The following RALGAPA1 variants were observed in gnomAD, a reference collection of about 807,000 sequenced individuals.
RALGAPA1 encodes Ral GTPase activating protein catalytic subunit alpha 1, also known as ral GTPase-activating protein subunit alpha-1.
RALGAPA1 carries 52 observed loss-of-function variants against 269.6 expected under a neutral mutation model. That is an observed-to-expected ratio of 0.19 (90% CI 0.15 to 0.24). The LOEUF (loss-of-function observed/expected upper bound fraction) is 0.24. Among genes scored for constraint, RALGAPA1 ranks in the 10% least tolerant of loss-of-function variants. The pLI is 1.00. For synonymous variants in RALGAPA1, 817 were observed against 1,008.3 expected (o/e 0.81, Z 3.60); for missense variants, 1,917 against 3,013.9 (o/e 0.64, Z 8.52).
At chr14:35,628,932 T>C (rs1237971167) in intron 33 of RALGAPA1, among the ~76,000 whole-genome samples, 1 of 150,744 alleles carries the variant, frequency 6.6e-6, no homozygotes, top group Non-Finnish European at 1.5e-5. Flanking sequence ...AAGAATATAG[T>C]AGTTTAAGAG....
At chr14:35,623,348 C>G (rs2060772305) in intron 35 of RALGAPA1, among the ~76,000 whole-genome samples, 1 of 150,024 alleles carries the variant, frequency 6.7e-6, no homozygotes, top group Non-Finnish European at 1.5e-5. Context: ...TACACACACA[C>G]AGACACACAG....
At chr14:35,640,034 C>T (rs2061921454) in intron 31 of RALGAPA1, among the ~76,000 whole-genome samples, 1 of 151,130 alleles carries the variant, frequency 6.6e-6, no homozygotes, top group South Asian at 2.1e-4. Flanking sequence ...TTTCTGGAAA[C>T]AAATGATAAT....
At position 35,700,319 on chromosome 14, in the gene RALGAPA1, G is replaced by C. The variant is rs1237192742; in HGVS notation, c.2267-17C>G. ...TTCTCATGGCTTTAAAAAAGGAAAA[G>C]AAAGAAGTGGGGAAGGAAAAAAGAA... is the stretch of plus-strand genomic sequence containing the variant. On this transcript the variant is annotated splice_polypyrimidine_tract_variant and intron_variant, in intron 16 of 41. Transcript: ENST00000680220. The C allele has an allele frequency of 6.7e-7, 1 of 1,495,524 alleles. No individual in the cohort carries two copies. Among genetic ancestry groups the C allele is most frequent in the Non-Finnish European group, 8.8e-7 (1 of 1,131,730 alleles). The allele number at this position is 1,495,524 out of a possible 1,614,324, so 92.6% of individuals were successfully genotyped here.
At position 35,708,291 on chromosome 14, in the gene RALGAPA1, T is replaced by C. The variant is rs1476819002; in HGVS notation, c.2267-7989A>G. The stretch of plus-strand genomic sequence containing the variant: ...GTTAAAAACCTTCTGCACAGCAAAG[T>C]AAATCATCAACAAAGTAAAGAGATG... On this transcript the variant is annotated intron_variant, in intron 16 of 41. Coordinates refer to ENST00000680220, the MANE Select transcript of RALGAPA1 (RefSeq NM_001346249.2). Among the ~76,000 whole-genome samples the C allele has an allele frequency of 3.3e-5, 5 of 152,042 alleles. No individual in the cohort carries two copies. In the East Asian group the frequency reaches 9.7e-4, roughly 29 times the overall value.
chr14:35,566,339 C>T (rs908993947), intron 39 of RALGAPA1, among the ~76,000 whole-genome samples: 1 of 152,080 alleles, frequency 6.6e-6, no homozygotes, highest in African/African-American at 2.4e-5. Flanking sequence ...TAGTGAACAA[C>T]ATTAGATTCA....
intron 1 of RALGAPA1, among the ~76,000 whole-genome samples, chr14:35,779,582 T>G (rs1163259302): frequency 5.3e-5 from 8 of 150,654 alleles, no homozygotes; most frequent in Non-Finnish European, 1.5e-5. Context: ...TAAATAATAA[T>G]AAAGAAATAG....
chr14:35,629,354 A>G (rs1327832736), intron 33 of RALGAPA1, among the ~76,000 whole-genome samples: 1 of 152,018 alleles, frequency 6.6e-6, no homozygotes, highest in Non-Finnish European at 1.5e-5. Flanking sequence ...ACATAATTAC[A>G]GAGTGATTGT....
intron 31 of RALGAPA1, among the ~76,000 whole-genome samples, chr14:35,651,353 G>T (rs949888513): frequency 6.6e-6 from 1 of 152,156 alleles, no homozygotes; most frequent in African/African-American, 2.4e-5. Flanking sequence ...CCCTCATAAT[G>T]AATTTACTGA....
chr14:35,750,871 C>A (rs897426066), intron 8 of RALGAPA1, among the ~76,000 whole-genome samples, 181 bp from the exon 9 acceptor site: 16 of 152,044 alleles, frequency 1.1e-4, no homozygotes, highest in Non-Finnish European at 2.2e-4. Flanking sequence ...GAAGAGTGAA[C>A]CATATATACC....
chr14:35,766,959 C>T (rs2074210670), intron 4 of RALGAPA1: 1 of 385,088 alleles, frequency 2.6e-6, no homozygotes, highest in Non-Finnish European at 5.1e-6. Context: ...CTGCCGTTTA[C>T]TGGACATGCA....
intron 39 of RALGAPA1, among the ~76,000 whole-genome samples, chr14:35,552,062 C>T (rs1374104402): frequency 6.6e-6 from 1 of 152,088 alleles, no homozygotes; most frequent in Non-Finnish European, 1.5e-5. Flanking sequence ...AGGTAAATCA[C>T]TTTCTAAAAG....
chr14:35,644,500 G>A (rs760894217), intron 31 of RALGAPA1, among the ~76,000 whole-genome samples: 3 of 152,136 alleles, frequency 2.0e-5, no homozygotes, highest in East Asian at 1.9e-4. Context: ...GGGGGACTAC[G>A]AAGTAACCCA....
At chr14:35,775,093 A>AT (rs1270839467) in intron 2 of RALGAPA1, 38 bp from the exon 3 acceptor site, 2 of 1,151,650 alleles carry the variant, frequency 1.7e-6, no homozygotes, top group African/African-American at 3.1e-5. Context: ...AAAACATATC[A>AT]TTTTGTCCTC....
chr14:35,797,351 C>CAAAA (rs530576211), intron 1 of RALGAPA1, among the ~76,000 whole-genome samples: 9 of 60,132 alleles, frequency 1.5e-4, no homozygotes, highest in East Asian at 5.6e-4. Context: ...GACTCCGTCT[C>CAAAA]AAAAAAAAAA....
At chr14:35,583,148 A>G (rs2058059553) in intron 37 of RALGAPA1, among the ~76,000 whole-genome samples, 1 of 152,256 alleles carries the variant, frequency 6.6e-6, no homozygotes, top group African/African-American at 2.4e-5. Context: ...TGCTAGAATT[A>G]TCAGACCAGG....
rs369797291 is a variant in RALGAPA1 at position 35,655,943 on chromosome 14, A to G, written c.5388-28T>C. ...GCAAAAAAGGCAAACAACAACGGTTACATAAAATGAAACCACCACCACAAA... is the reference window on the plus strand; with the variant it reads ...GCAAAAAAGGCAAACAACAACGGTTGCATAAAATGAAACCACCACCACAAA... On this transcript the variant is annotated intron_variant, in intron 28 of 41. Transcript: ENST00000680220. 3.4e-4 allele frequency: 553 copies of G among 1,612,172 alleles called. 1 individual carries two copies. The highest frequency in any genetic ancestry group is 4.6e-4 in the Non-Finnish European group (537 of 1,179,306).
Position 35,689,293 on chromosome 14 carries a change from G to T in RALGAPA1, c.3118C>A (p.Leu1040Ile). 5.7e-6 allele frequency: 7 copies of T among 1,232,234 alleles called. No homozygotes were observed. The highest frequency in any genetic ancestry group is 7.1e-6 in the Non-Finnish European group (7 of 988,090). 76.3% of individuals were successfully genotyped at this position (1,232,234 alleles called of 1,614,324 possible). A position where few individuals can be genotyped will look rare whatever the true frequency, so the allele number is the denominator to read the frequency against. ...RTQTSEKSKQ[L>I]NTDKQPSEPS... ...TCTGATGGCTGTTTATCAGTGTTTA[G>T]TTGCTTAGATTTTTCAGAAGTTTGT... is the stretch of plus-strand genomic sequence containing the variant. The change falls in exon 18 of 42, where the codon CTA becomes ATA. Residue 1040 changes from leucine to isoleucine, a missense_variant. Leu to Ile is a conservative substitution (Grantham distance 5, BLOSUM62 2). This residue lies in a region of RALGAPA1 where 615 missense variants were observed against 790.0 expected (regional missense o/e 0.78). Coordinates refer to ENST00000680220, the MANE Select transcript of RALGAPA1 (RefSeq NM_001346249.2).
intron 35 of RALGAPA1, among the ~76,000 whole-genome samples, chr14:35,612,243 C>A (rs948903892): frequency 1.3e-5 from 2 of 151,624 alleles, no homozygotes; most frequent in African/African-American, 2.4e-5. Flanking sequence ...TGGTGGCATG[C>A]GTCTGCAGTC....
chr14:35,578,118 G>T (rs1254359811), intron 37 of RALGAPA1, among the ~76,000 whole-genome samples: 1 of 152,106 alleles, frequency 6.6e-6, no homozygotes, highest in African/African-American at 2.4e-5. Flanking sequence ...TTTTGCAGAT[G>T]CAACAATGAG....
Sources: allele counts gnomAD v4.1 joint callset (sites outside exome capture counted in the v4.1 genomes callset), GRCh38; gene constraint gnomAD v4.1.1; regional missense constraint gnomAD v4.1.1; transcripts MANE v1.5; gene names NCBI Gene and HGNC (gene_info 2026-07-23, HGNC 2026-07-21).